The following CNOT1 variants were observed in gnomAD, a reference collection of about 807,000 sequenced individuals.
CNOT1 encodes the protein CCR4-NOT transcription complex subunit 1.
In CNOT1, 15 loss-of-function variants were observed where a neutral mutation model predicts 273.8. The observed-to-expected ratio is 0.05, with a 90% confidence interval of 0.04 to 0.08. The LOEUF is 0.08. Among genes scored for constraint, CNOT1 ranks in the 10% least tolerant of loss-of-function variants. The pLI, the probability that CNOT1 is intolerant of heterozygous loss-of-function variation, is 1.00. For synonymous variants in CNOT1, 1,022 were observed against 1,005.5 expected (o/e 1.02, Z -0.31); for missense variants, 1,644 against 2,912.2 (o/e 0.56, Z 10.02).
In CNOT1 at chr16:58,622,173, G is replaced by A. The variant is rs549676766; in HGVS notation, c.-175+7555C>T. Among the ~76,000 whole-genome samples the A allele has an allele frequency of 5.3e-5, 8 of 151,030 alleles. No homozygotes were observed. The East Asian group carries it at 1.6e-3, about 30-fold the overall frequency. ...TAAAAAACTATAAAAAATTAGCCAG[G>A]CGTGGTGGTGGGCGCCTGTAGTCCC... On this transcript the variant is annotated intron_variant, in intron 1 of 48. Transcript: ENST00000317147.
intron 1 of CNOT1, among the ~76,000 whole-genome samples, chr16:58,629,061 G>A (rs1296852787): frequency 6.6e-6 from 1 of 152,258 alleles, no homozygotes; most frequent in Non-Finnish European, 1.5e-5. Flanking sequence ...CAACTTCAAA[G>A]AAAGTGTGAG....
intron 15 of CNOT1, 45 bp downstream of exon 15, chr16:58,574,962 C>T: frequency 6.2e-7 from 1 of 1,602,628 alleles, no homozygotes; most frequent in Non-Finnish European, 8.5e-7. Context: ...GCCATTTTAG[C>T]CACCAAAATT....
chr16:58,527,212 G>A (rs2039621697), intron 44 of CNOT1, among the ~76,000 whole-genome samples: 1 of 152,026 alleles, frequency 6.6e-6, no homozygotes, highest in Non-Finnish European at 1.5e-5. Flanking sequence ...GGTAGATGAT[G>A]GGGTCAATAA....
chr16:58,619,668 C>T (rs1198975667), intron 1 of CNOT1, among the ~76,000 whole-genome samples: 1 of 152,110 alleles, frequency 6.6e-6, no homozygotes, highest in Admixed American at 6.6e-5. Context: ...TTGTGATCTG[C>T]CCACCTCGGC....
intron 1 of CNOT1, among the ~76,000 whole-genome samples, chr16:58,602,553 C>A (rs868115258): frequency 5.3e-4 from 31 of 57,964 alleles, no homozygotes; most frequent in South Asian, 1.6e-3. Context: ...ACTCTGTCTC[C>A]AAAAAAAAAA....
intron 47 of CNOT1, among the ~76,000 whole-genome samples, chr16:58,521,904 T>TG (rs2039392344): frequency 1.3e-5 from 2 of 152,124 alleles, no homozygotes; most frequent in African/African-American, 4.8e-5. Context: ...TGAGCCGAGA[T>TG]GGTGCCACTG....
chr16:58,607,982 G>C (rs2042748092), intron 1 of CNOT1, among the ~76,000 whole-genome samples: 1 of 151,806 alleles, frequency 6.6e-6, no homozygotes, highest in Non-Finnish European at 1.5e-5. Context: ...GACCAGCTTG[G>C]CCAACATAGT....
At chr16:58,564,879 T>C (rs1465388770) in intron 16 of CNOT1, among the ~76,000 whole-genome samples, 1 of 152,048 alleles carries the variant, frequency 6.6e-6, no homozygotes, top group African/African-American at 2.4e-5. Flanking sequence ...GATGTTGCAG[T>C]GAGCGAAGAT....
chr16:58,545,524 A>G (rs776625651), intron 29 of CNOT1, 33 bp from the exon 30 acceptor site: 1 of 1,611,706 alleles, frequency 6.2e-7, no homozygotes, highest in Non-Finnish European at 8.5e-7. Flanking sequence ...AGATTTAAAA[A>G]GTACATTTGT....
chr16:58,610,118 T>C (rs978450897), intron 1 of CNOT1, among the ~76,000 whole-genome samples: 2 of 152,182 alleles, frequency 1.3e-5, no homozygotes, highest in African/African-American at 4.8e-5. Context: ...GAGAGGGCTA[T>C]TTAAAATGCT....
intron 3 of CNOT1, among the ~76,000 whole-genome samples, chr16:58,588,346 A>T (rs2041944920): frequency 6.6e-6 from 1 of 152,136 alleles, no homozygotes; most frequent in Admixed American, 6.6e-5. Flanking sequence ...GAAAGTTATA[A>T]AAATAGAGTT....
chr16:58,597,474 C>CAAAAAAAAAAAAAAAAA (rs35732148), intron 2 of CNOT1: 1 of 174,306 alleles, frequency 5.7e-6, no homozygotes, highest in Non-Finnish European at 1.2e-5. Flanking sequence ...AACTCTGTCT[C>CAAAAAAAAAAAAAAAAA]AAAAAAAAAA....
At position 58,551,118 on chromosome 16, in the gene CNOT1, G is replaced by C. The variant is rs934281678; in HGVS notation, c.3342+14C>G. ...AAAAAAGAAGGCATTTATAAACTAT[G>C]ACAGCATGCTCACCTTTTGTGTCAT... On this transcript the variant is annotated intron_variant, in intron 24 of 48. Coordinates refer to ENST00000317147, the MANE Select transcript of CNOT1 (RefSeq NM_016284.5). 3 of 1,606,056 alleles carry C rather than the reference G, an allele frequency of 1.9e-6. No individual in the cohort carries two copies. In the African/African-American group the frequency reaches 4.0e-5, roughly 22 times the overall value.
chr16:58,548,225 T>C (rs2040324746), intron 25 of CNOT1, among the ~76,000 whole-genome samples: 1 of 152,236 alleles, frequency 6.6e-6, no homozygotes, highest in Non-Finnish European at 1.5e-5. Context: ...ATACTGTTTA[T>C]ATACTTCTTT....
intron 1 of CNOT1, among the ~76,000 whole-genome samples, chr16:58,626,832 T>G (rs1167786757): frequency 6.6e-6 from 1 of 152,104 alleles, no homozygotes; most frequent in East Asian, 1.9e-4. Context: ...TTGCAAAATT[T>G]TTTTTTAATT....
intron 19 of CNOT1, 58 bp from the exon 20 acceptor site, chr16:58,555,966 A>G: frequency 6.3e-7 from 1 of 1,595,166 alleles, no homozygotes; most frequent in South Asian, 1.1e-5. Flanking sequence ...ACTTCCCCAT[A>G]AAACACAGCC....
At chr16:58,522,823 C>T (rs2039450377) in intron 47 of CNOT1, 1 of 152,234 alleles carries the variant, frequency 6.6e-6, no homozygotes, top group Non-Finnish European at 1.5e-5. Context: ...TTCATTTAAG[C>T]CATGATTGCG....
intron 44 of CNOT1, among the ~76,000 whole-genome samples, chr16:58,526,817 CAA>C (rs58419483): frequency 0.066 from 5,837 of 87,862 alleles, 116 homozygotes; most frequent in Middle Eastern, 0.13. Context: ...AACTCCGTCT[CAA>C]AAAAAAAAAA....
At chr16:58,597,524 CCCT>C (rs923457139) in intron 2 of CNOT1, 2 of 250,762 alleles carry the variant, frequency 8.0e-6, no homozygotes, top group African/African-American at 4.7e-5. Context: ...CACTGCACCA[CCCT>C]CCTCAACACA....
Sources: allele counts gnomAD v4.1 joint callset (sites outside exome capture counted in the v4.1 genomes callset), GRCh38; gene constraint gnomAD v4.1.1; transcripts MANE v1.5; gene names NCBI Gene and HGNC (gene_info 2026-07-23, HGNC 2026-07-21).